TMC5: variants seen among roughly 807,000 people sequenced by gnomAD.
TMC5 encodes the protein transmembrane channel like 5, also known as transmembrane channel-like protein 5.
In TMC5, 86 loss-of-function variants were observed where a neutral mutation model predicts 110.5. That is an observed-to-expected ratio of 0.78 (90% CI 0.65 to 0.93). The LOEUF (loss-of-function observed/expected upper bound fraction) is 0.93, where lower values mean the gene tolerates loss of function less well. Ranked by LOEUF, TMC5 falls within the 40% of genes least tolerant of loss-of-function variation. The pLI, the probability that TMC5 is intolerant of heterozygous loss-of-function variation, is 0.00. For missense variants in TMC5, 1,144 were observed against 1,222.8 expected, an observed-to-expected ratio of 0.94 and a Z score of 0.96; for synonymous variants, 455 against 439.5, an observed-to-expected ratio of 1.04 and a Z score of -0.44.
chr16:19,464,046 C>T (rs756785023), intron 8 of TMC5, 22 bp downstream of exon 8: 1 of 1,609,982 alleles, frequency 6.2e-7, no homozygotes, highest in Admixed American at 1.7e-5. Context: ...ACTTCCCCTA[C>T]CCCAAGTGCA....
rs1255525405 is a variant in TMC5 at position 19,492,917 on chromosome 16, T to TAG, written c.2826+690_2826+691insGA. Among the ~76,000 whole-genome samples, 536 of 109,876 alleles carry TAG rather than the reference T, an allele frequency of 4.9e-3. 39 individuals are homozygous for TAG. Among genetic ancestry groups the TAG allele is most frequent in the Non-Finnish European group, 6.6e-3 (315 of 47,442 alleles). The allele number at this position is 109,876 out of a possible 152,430, so 72.1% of individuals were successfully genotyped here. ...TATTTTTTATTTATTAAAACTTAGA[T>TAG]ATATATATATATATATCTCTCTATA... On this transcript the variant is annotated intron_variant, in intron 19 of 21. Coordinates refer to ENST00000542583, the MANE Select transcript of TMC5 (RefSeq NM_001261841.2).
Position 19,430,318 on chromosome 16 carries a change from G to A in TMC5, c.-307-95G>A, listed in dbSNP as rs537182641. The stretch of plus-strand genomic sequence containing the variant: ...GAAGAGAAAACAGGAAGCCATTTGA[G>A]GCAGTGTTTTCTGCTTCCAAATGCA... On this transcript the variant is annotated intron_variant, in intron 1 of 21. Transcript: ENST00000542583. The A allele has an allele frequency of 2.0e-5, 3 of 152,280 alleles. No homozygotes were observed. In the East Asian group the frequency reaches 5.8e-4, roughly 29 times the overall value. The allele number at this position is 152,280 out of a possible 1,614,324, so 9.4% of individuals were successfully genotyped here. A position where few individuals can be genotyped will look rare whatever the true frequency, so the allele number is the denominator to read the frequency against.
At position 19,434,349 on chromosome 16, in the gene TMC5, GATCTATATT is replaced by G. The variant is rs1967284159; in HGVS notation, c.-80+3712_-80+3720del. 7.7e-5 allele frequency among the ~76,000 whole-genome samples: 8 copies of G among 104,334 alleles called. No individual in the cohort carries two copies. In the East Asian group the frequency reaches 2.0e-3, roughly 26 times the overall value. 68.4% of individuals were successfully genotyped at this position (104,334 alleles called of 152,430 possible). ...GATCTATATATAATATATATTATAT[GATCTATATT>G]ATATATATAATATAGATCTATATAT... is the stretch of plus-strand genomic sequence containing the variant. On this transcript the variant is annotated intron_variant, in intron 2 of 21. Coordinates refer to ENST00000542583, the MANE Select transcript of TMC5 (RefSeq NM_001261841.2).
chr16:19,415,931 A>G (rs918393448), upstream of TMC5, among the ~76,000 whole-genome samples: 1 of 152,202 alleles, frequency 6.6e-6, no homozygotes, highest in African/African-American at 2.4e-5. Context: ...CTGTAATCCC[A>G]ACACCTTGGG....
rs142604406 is a variant in TMC5 at position 19,466,155 on chromosome 16, C to A, written c.1559C>A (p.Ala520Glu). Residue 520 changes from alanine (A) to glutamate (E), a missense_variant, in exon 9 of 22, where the codon GCA becomes GAA. Coordinates refer to ENST00000542583, the MANE Select transcript of TMC5 (RefSeq NM_001261841.2). ...NSTIQHGNSG[A>E]SYNMQLAYIF... ...ACCATCCAGCACGGGAACAGCGGGG[C>A]ATCCTACAACATGCAGCTGGCCTAC... The A allele has an allele frequency of 3.1e-4, 508 of 1,614,136 alleles. No individual in the cohort carries two copies. Among genetic ancestry groups the A allele is most frequent in the Non-Finnish European group, 4.2e-4 (496 of 1,180,036 alleles).
upstream of TMC5, among the ~76,000 whole-genome samples, chr16:19,414,907 A>G (rs543342240): frequency 3.9e-5 from 6 of 152,284 alleles, no homozygotes; most frequent in Admixed American, 3.9e-4. Context: ...AGGTGGGCAT[A>G]GTGGTGAGTT....
At chr16:19,448,041 A>G (rs547524845) in intron 4 of TMC5, among the ~76,000 whole-genome samples, 1 of 151,402 alleles carries the variant, frequency 6.6e-6, no homozygotes, top group East Asian at 1.9e-4. Flanking sequence ...CATTTCTCCC[A>G]GCTAATTGGG....
chr16:19,485,850 A>T (rs1307874013), intron 15 of TMC5, among the ~76,000 whole-genome samples: 2 of 152,134 alleles, frequency 1.3e-5, no homozygotes, highest in African/African-American at 4.8e-5. Flanking sequence ...GCACCGCGGG[A>T]GAGTTGTAAA....
chr16:19,462,428 C>T, intron 6 of TMC5: 1 of 682,690 alleles, frequency 1.5e-6, no homozygotes, highest in Non-Finnish European at 2.7e-6. Context: ...TGCTCTCACT[C>T]TGCTAATAAA....
intron 10 of TMC5, among the ~76,000 whole-genome samples, chr16:19,471,290 T>C (rs1055201809): frequency 1.7e-4 from 26 of 152,082 alleles, no homozygotes; most frequent in South Asian, 4.2e-4. Flanking sequence ...AGAATCTCAC[T>C]ATGTTGCCCA....
intron 12 of TMC5, among the ~76,000 whole-genome samples, chr16:19,475,463 G>A (rs1968464418): frequency 6.6e-6 from 1 of 151,354 alleles, no homozygotes; most frequent in African/African-American, 2.4e-5. Context: ...TGCAGACTGA[G>A]TTTCTTTGCT....
chr16:19,454,325 C>A (rs1348239462), intron 5 of TMC5, among the ~76,000 whole-genome samples: 1 of 152,154 alleles, frequency 6.6e-6, no homozygotes, highest in African/African-American at 2.4e-5. Flanking sequence ...TGATTAGAGG[C>A]ATAAACCACC....
At chr16:19,462,897 C>CA (rs530123989) in intron 6 of TMC5, among the ~76,000 whole-genome samples, 1,378 of 83,580 alleles carry the variant, frequency 0.016, 22 homozygotes, top group African/African-American at 0.046. Flanking sequence ...GACGCCATCT[C>CA]AAAAAAAAAA....
At chr16:19,462,585 C>T in intron 6 of TMC5, 1 of 699,248 alleles carries the variant, frequency 1.4e-6, no homozygotes, top group Non-Finnish European at 2.6e-6. Context: ...ACGGCATGTG[C>T]AGGGGAACTG....
intron 5 of TMC5, among the ~76,000 whole-genome samples, chr16:19,451,841 C>T (rs1967756943): frequency 6.6e-6 from 1 of 152,178 alleles, no homozygotes; most frequent in African/African-American, 2.4e-5. Context: ...CTCCGTTATT[C>T]AGGCTGGAGT....
At position 19,440,519 on chromosome 16, in the gene TMC5, C is replaced by T; in HGVS notation, c.481C>T (p.Pro161Ser). The change falls in exon 3 of 22, where the codon CCG (proline) becomes TCG (serine). Residue 161 changes from proline to serine, a missense_variant. By Grantham distance (74) the Pro-to-Ser change is moderately conservative. Transcript: ENST00000542583. ...TCCAGATCATTTTGGCTCCTTAGAA[C>T]CGGACTACCCTGGAGCTCAGAGCAA... ...THPDHFGSLE[P>S]DYPGAQSNSD... 1 of 1,614,150 alleles carries T rather than the reference C, an allele frequency of 6.2e-7. No individual in the cohort carries two copies. The highest frequency in any genetic ancestry group is 8.5e-7 in the Non-Finnish European group (1 of 1,180,032).
intron 1 of TMC5, among the ~76,000 whole-genome samples, chr16:19,420,622 CA>C (rs1966963208): frequency 6.6e-6 from 1 of 151,992 alleles, no homozygotes; most frequent in Admixed American, 6.6e-5. Context: ...CCACTGTGCT[CA>C]GCTAATTTTT....
chr16:19,491,856 T>C (rs988380337), intron 18 of TMC5, among the ~76,000 whole-genome samples: 1 of 148,012 alleles, frequency 6.8e-6, no homozygotes, highest in East Asian at 2.0e-4. Flanking sequence ...ACTTTTTTTT[T>C]AACTTATTCT....
intron 19 of TMC5, among the ~76,000 whole-genome samples, 185 bp from the exon 20 acceptor site, chr16:19,494,077 G>C (rs974884190): frequency 2.6e-5 from 4 of 152,066 alleles, no homozygotes; most frequent in Non-Finnish European, 5.9e-5. Flanking sequence ...GGCTCTGGGG[G>C]ATAATTTGGT....
Sources: allele counts gnomAD v4.1 joint callset (sites outside exome capture counted in the v4.1 genomes callset), GRCh38; gene constraint gnomAD v4.1.1; transcripts MANE v1.5; gene names NCBI Gene and HGNC (gene_info 2026-07-23, HGNC 2026-07-21).